CACNA2D1: variants seen among roughly 807,000 people sequenced by gnomAD.
CACNA2D1 encodes voltage-dependent calcium channel subunit alpha-2/delta-1.
A neutral mutation model predicts 171.5 loss-of-function variants in CACNA2D1; 53 were observed. That is an observed-to-expected ratio of 0.31 (90% CI 0.25 to 0.39). The LOEUF (loss-of-function observed/expected upper bound fraction) is 0.39, where lower values mean the gene tolerates loss of function less well. Among genes scored for constraint, CACNA2D1 ranks in the 10% least tolerant of loss-of-function variants. CACNA2D1 has a pLI of 1.00. For synonymous variants in CACNA2D1, 442 were observed against 443.1 expected (o/e 1.00, Z 0.03); for missense variants, 903 against 1,299.8 (o/e 0.69, Z 4.69).
intron 4 of CACNA2D1, among the ~76,000 whole-genome samples, chr7:82,150,257 T>TAAAAAAAAAAAAAAAAA (rs565121488): frequency 1.1e-5 from 1 of 92,876 alleles, no homozygotes; most frequent in Non-Finnish European, 2.3e-5. Flanking sequence ...TAGATCAAAT[T>TAAAAAAAAAAAAAAAAA]AAAAAAAAAA....
chr7:82,254,097 ATAC>A (rs1217122893), intron 3 of CACNA2D1, among the ~76,000 whole-genome samples: 1 of 152,206 alleles, frequency 6.6e-6, no homozygotes, highest in African/African-American at 2.4e-5. Flanking sequence ...CCATCGAATT[ATAC>A]ATCATTAAAA....
chr7:82,071,295 C>T (rs1477100414), intron 7 of CACNA2D1, among the ~76,000 whole-genome samples: 5 of 152,042 alleles, frequency 3.3e-5, no homozygotes, highest in African/African-American at 1.2e-4. Context: ...AACCAAGAAA[C>T]GTAGCTTTAT....
chr7:82,193,410 C>A (rs1798537059), intron 3 of CACNA2D1, among the ~76,000 whole-genome samples: 1 of 151,872 alleles, frequency 6.6e-6, no homozygotes, highest in African/African-American at 2.4e-5. Flanking sequence ...TTGGAATTAA[C>A]AATAATTGCT....
chr7:82,400,743 GA>G (rs1456509718), intron 1 of CACNA2D1, among the ~76,000 whole-genome samples: 1 of 151,264 alleles, frequency 6.6e-6, no homozygotes, highest in South Asian at 2.1e-4. Flanking sequence ...CACAGCAAAA[GA>G]AACTACCATC....
chr7:81,975,310 A>C (rs1177687828), intron 24 of CACNA2D1, among the ~76,000 whole-genome samples: 4 of 152,150 alleles, frequency 2.6e-5, no homozygotes, highest in Non-Finnish European at 5.9e-5. Context: ...TTACATGTTA[A>C]TATATTTTAA....
intron 4 of CACNA2D1, 34 bp downstream of exon 4, chr7:82,170,516 C>A (rs752100676): frequency 1.4e-6 from 2 of 1,446,418 alleles, no homozygotes; most frequent in South Asian, 1.1e-5. Context: ...ATATGTCAAG[C>A]TATTTAAATC....
At chr7:82,297,498 A>T (rs1388381403) in intron 3 of CACNA2D1, among the ~76,000 whole-genome samples, 1 of 152,204 alleles carries the variant, frequency 6.6e-6, no homozygotes, top group Non-Finnish European at 1.5e-5. Flanking sequence ...AATAGAAAGA[A>T]TGTATACAAT....
chr7:82,322,533 T>C (rs1563365917), intron 3 of CACNA2D1, among the ~76,000 whole-genome samples: 1 of 151,758 alleles, frequency 6.6e-6, no homozygotes, highest in Non-Finnish European at 1.5e-5. Context: ...GCAGGAAGAC[T>C]GCCTGAGCCC....
chr7:81,978,865 T>C (rs37084), intron 24 of CACNA2D1, among the ~76,000 whole-genome samples: 112,403 of 149,872 alleles, frequency 0.75, 42,264 homozygotes, highest in African/African-American at 0.78. Context: ...GCTTAACATA[T>C]GTTAATTGAA....
In CACNA2D1 at chr7:81,955,207, C is replaced by T. The variant is rs575196652; in HGVS notation, c.3159+4068G>A. On this transcript the variant is annotated intron_variant, in intron 38 of 38. Transcript: ENST00000356860. ...TGTTTTTGTATAATCTATATCCTTC[C>T]GGACTCTACCGGGTATAAGGGCCCC... Among the ~76,000 whole-genome samples, 108 of 152,082 alleles carry T rather than the reference C, an allele frequency of 7.1e-4. 1 individual carries two copies. Among genetic ancestry groups the T allele is most frequent in the Non-Finnish European group, 1.4e-3 (93 of 67,954 alleles).
At chr7:82,268,639 T>A (rs1175810428) in intron 3 of CACNA2D1, among the ~76,000 whole-genome samples, 1 of 151,782 alleles carries the variant, frequency 6.6e-6, no homozygotes, top group Non-Finnish European at 1.5e-5. Flanking sequence ...TTATTTGGGC[T>A]ATGTGGAGCA....
rs1377186253 is a variant in CACNA2D1 at position 82,014,406 on chromosome 7, T to C, written c.1217A>G (p.Asn406Ser). The C allele has an allele frequency of 6.4e-7, 1 of 1,558,082 alleles. No individual in the cohort carries two copies. The highest frequency in any genetic ancestry group is 8.9e-7 in the Non-Finnish European group (1 of 1,129,070). ...RGPIQWMACE[N>S]KGYYYEIPSI... is the part of the protein sequence containing the mutation. Reference sequence around the variant, plus strand: ...GAAGAAAACAGATTTGTTACCTTTGTTTTCACAGGCCATCCACTGAATAGG... The same window carrying C: ...GAAGAAAACAGATTTGTTACCTTTGCTTTCACAGGCCATCCACTGAATAGG... The change falls in exon 13 of 39, where the codon AAC becomes AGC. Residue 406 changes from asparagine to serine, a missense_variant. Physicochemically the swap from Asn to Ser is conservative, Grantham distance 46. This residue lies in a region of CACNA2D1 where 623 missense variants were observed against 925.5 expected (regional missense o/e 0.67). Coordinates refer to ENST00000356860, the MANE Select transcript of CACNA2D1 (RefSeq NM_000722.4).
intron 10 of CACNA2D1, among the ~76,000 whole-genome samples, chr7:82,053,269 A>AAT (rs1805425822): frequency 6.8e-6 from 1 of 148,058 alleles, no homozygotes; most frequent in Non-Finnish European, 1.5e-5. Context: ...AAAAAAAAAA[A>AAT]TTAAATAATT....
chr7:82,318,400 T>C (rs1815369256), intron 3 of CACNA2D1, among the ~76,000 whole-genome samples: 1 of 152,180 alleles, frequency 6.6e-6, no homozygotes, highest in South Asian at 2.1e-4. Flanking sequence ...CAGCACACTA[T>C]GTGGCTTGCA....
chr7:82,335,271 A>G lies in CACNA2D1; in HGVS notation c.178-20T>C. The G allele has an allele frequency of 1.5e-6, 2 of 1,349,668 alleles. No homozygotes were observed. The highest frequency in any genetic ancestry group is 1.2e-5 in the South Asian group (1 of 85,220). 83.6% of individuals were successfully genotyped at this position (1,349,668 alleles called of 1,614,324 possible). A position where few individuals can be genotyped will look rare whatever the true frequency, so the allele number is the denominator to read the frequency against. On this transcript the variant is annotated intron_variant, in intron 2 of 38. Coordinates refer to ENST00000356860, the MANE Select transcript of CACNA2D1 (RefSeq NM_000722.4). ...ATAAATCTGTGTGAAAGAAAAAAAA[A>G]ACTAGTAAGAACAATAGTTACTTAT... is the stretch of plus-strand genomic sequence containing the variant.
intron 29 of CACNA2D1, among the ~76,000 whole-genome samples, chr7:81,968,448 T>C (rs766580763): frequency 9.9e-5 from 15 of 151,530 alleles, no homozygotes; most frequent in Non-Finnish European, 1.9e-4. Flanking sequence ...AACAGACGCC[T>C]ACTAGAATAT....
At chr7:82,267,531 A>G in intron 3 of CACNA2D1, among the ~76,000 whole-genome samples, 1 of 152,212 alleles carries the variant, frequency 6.6e-6, no homozygotes, top group South Asian at 2.1e-4. Flanking sequence ...GTATTACTGT[A>G]TACCATTATT....
intron 3 of CACNA2D1, among the ~76,000 whole-genome samples, chr7:82,271,074 G>T (rs940375182): frequency 6.6e-6 from 1 of 151,878 alleles, no homozygotes; most frequent in South Asian, 2.1e-4. Context: ...CCAGATTCAG[G>T]CCTCTGCTCT....
chr7:82,252,989 G>A (rs1335817585), intron 3 of CACNA2D1, among the ~76,000 whole-genome samples: 6 of 152,058 alleles, frequency 3.9e-5, no homozygotes, highest in Non-Finnish European at 8.8e-5. Flanking sequence ...AAGGTTCTGT[G>A]GAGAAAGCCC....
Sources: allele counts gnomAD v4.1 joint callset (sites outside exome capture counted in the v4.1 genomes callset), GRCh38; gene constraint gnomAD v4.1.1; regional missense constraint gnomAD v4.1.1; transcripts MANE v1.5; gene names NCBI Gene and HGNC (gene_info 2026-07-23, HGNC 2026-07-21).